VGLL4: variants seen among roughly 807,000 people sequenced by gnomAD.
The protein encoded by VGLL4 is vestigial like family member 4.
In VGLL4, 7 loss-of-function variants were observed where a neutral mutation model predicts 21.0. The ratio of observed to expected loss-of-function variants is 0.33; its 90% CI spans 0.19 to 0.63. VGLL4 has a LOEUF of 0.63. VGLL4 is among the 20% of genes least tolerant of loss of function. The probability of loss-of-function intolerance (pLI) is 0.78; values close to 1 mark genes in which losing one functional copy is unlikely to be tolerated. For synonymous variants in VGLL4, 222 were observed against 173.2 expected (o/e 1.28, Z -2.21); for missense variants, 394 against 425.7 (o/e 0.93, Z 0.66).
intron 2 of VGLL4, among the ~76,000 whole-genome samples, chr3:11,595,847 G>GA (rs1177440396): frequency 4.1e-4 from 1 of 2,464 alleles, no homozygotes; most frequent in Non-Finnish European, 1.5e-3. Flanking sequence ...GGTGTGGGGG[G>GA]GGCGGGGAAT....
intron 2 of VGLL4, among the ~76,000 whole-genome samples, chr3:11,662,497 T>C (rs942711997): frequency 6.6e-6 from 1 of 152,206 alleles, no homozygotes; most frequent in African/African-American, 2.4e-5. Flanking sequence ...CAAAATCCAA[T>C]ATGAAAACAA....
chr3:11,642,002 T>C (rs905033595), intron 1 of VGLL4, among the ~76,000 whole-genome samples: 1 of 151,040 alleles, frequency 6.6e-6, no homozygotes, highest in Non-Finnish European at 1.5e-5. Flanking sequence ...TTCTTTCTTG[T>C]TGGGGGAAGC....
chr3:11,681,381 G>C (rs933644613), intron 2 of VGLL4, among the ~76,000 whole-genome samples: 1 of 152,210 alleles, frequency 6.6e-6, no homozygotes, highest in African/African-American at 2.4e-5. Context: ...ACAATACCCA[G>C]TGTGCCTTTC....
chr3:11,698,612 T>C (rs1226940906), intron 2 of VGLL4, among the ~76,000 whole-genome samples: 1 of 152,210 alleles, frequency 6.6e-6, no homozygotes, highest in African/African-American at 2.4e-5. Flanking sequence ...CAATCTCAAG[T>C]TGTATTTCCA....
rs182118200 is a variant in VGLL4 at position 11,658,622 on chromosome 3, C to G, written c.64+44349G>C. ...GGAAGGACACAGAGGAAACAGAATA[C>G]GCGAACTATTCCTGGATCTTTCCTT... On this transcript the variant is annotated intron_variant, in intron 2 of 5. Transcript: ENST00000273038. Among the ~76,000 whole-genome samples, 7 of 114,858 alleles carry G rather than the reference C, an allele frequency of 6.1e-5. 1 individual carries two copies. The highest frequency in any genetic ancestry group is 4.6e-3 in the Middle Eastern group (1 of 218). 75.4% of individuals were successfully genotyped at this position (114,858 alleles called of 152,430 possible). A position where few individuals can be genotyped will look rare whatever the true frequency, so the allele number is the denominator to read the frequency against.
At chr3:11,574,783 ATATGTGTGTGTGTGTGTG>A (rs1224106384) in intron 2 of VGLL4, among the ~76,000 whole-genome samples, 211 of 111,854 alleles carry the variant, frequency 1.9e-3, no homozygotes, top group African/African-American at 6.1e-3. Flanking sequence ...ATTCAACTAT[ATATGTGTGTGTGTGTGTG>A]TGTGTGTGTG....
At chr3:11,562,068 T>C (rs1479745529) in intron 3 of VGLL4, among the ~76,000 whole-genome samples, 1 of 151,964 alleles carries the variant, frequency 6.6e-6, no homozygotes, top group African/African-American at 2.4e-5. Flanking sequence ...TGGCTAATTT[T>C]TGTACTTTTA....
At chr3:11,677,309 T>C (rs1348306940) in intron 2 of VGLL4, among the ~76,000 whole-genome samples, 2 of 152,000 alleles carry the variant, frequency 1.3e-5, no homozygotes, top group South Asian at 2.1e-4. Flanking sequence ...TCTCACGCTG[T>C]CGTCCAGGCT....
At chr3:11,647,981 C>T (rs2075817394), upstream of VGLL4, among the ~76,000 whole-genome samples, 1 of 99,606 alleles carries the variant, frequency 1.0e-5, no homozygotes, top group Non-Finnish European at 2.0e-5. Flanking sequence ...GTACAATCAG[C>T]TCATCCATAA....
At chr3:11,660,367 A>G (rs535305737) in intron 2 of VGLL4, among the ~76,000 whole-genome samples, 1 of 152,258 alleles carries the variant, frequency 6.6e-6, no homozygotes, top group South Asian at 2.1e-4. Context: ...GGCATTTAAT[A>G]TGGCCTACTA....
At chr3:11,593,530 T>G (rs558108357) in intron 2 of VGLL4, among the ~76,000 whole-genome samples, 2 of 152,024 alleles carry the variant, frequency 1.3e-5, no homozygotes, top group Non-Finnish European at 2.9e-5. Context: ...TCTTTTTCTA[T>G]TCACCCCTAT....
At chr3:11,648,619 A>G (rs2125339318), upstream of VGLL4, among the ~76,000 whole-genome samples, 1 of 152,358 alleles carries the variant, frequency 6.6e-6, no homozygotes, top group Non-Finnish European at 1.5e-5. Context: ...TACAAAACTG[A>G]AGAATATATT....
At chr3:11,678,336 G>A (rs1339268526) in intron 2 of VGLL4, among the ~76,000 whole-genome samples, 2 of 152,120 alleles carry the variant, frequency 1.3e-5, no homozygotes, top group African/African-American at 4.8e-5. Flanking sequence ...GATTACAGGC[G>A]TGAGCCTCTG....
rs9310391 is a variant in VGLL4 at position 11,673,430 on chromosome 3, G to C, written c.64+29541C>G. ...CAGAACGAGTCCGGAAGGGAGAAAG[G>C]GGGAAAGGGGGGGAAGTAGACTAGT... On this transcript the variant is annotated intron_variant, in intron 2 of 5. Coordinates refer to the VGLL4 transcript ENST00000273038. Among the ~76,000 whole-genome samples the C allele has an allele frequency of 7.5e-3, 1,139 of 152,028 alleles. 14 individuals are homozygous for C. The highest frequency in any genetic ancestry group is 0.026 in the African/African-American group (1,096 of 41,474).
chr3:11,609,289 T>G (rs1460254546), intron 1 of VGLL4, among the ~76,000 whole-genome samples: 1 of 152,228 alleles, frequency 6.6e-6, no homozygotes, highest in Non-Finnish European at 1.5e-5. Flanking sequence ...TAAGTTTCCT[T>G]TTACTGCTCA....
At position 11,703,455 on chromosome 3, in the gene VGLL4, G is replaced by A. The variant is rs77958116; in HGVS notation, c.-13-408C>T. 4.2e-3 allele frequency among the ~76,000 whole-genome samples: 633 copies of A among 152,250 alleles called. 3 individuals carry two copies. The highest frequency in any genetic ancestry group is 0.014 in the African/African-American group (588 of 41,524). ...AGTGAGGTGGTGCAGCTTAACACAC[G>A]CCACGTACTCATGGAAAGCTGTGTG... On this transcript the variant is annotated intron_variant, in intron 1 of 5. Transcript: ENST00000273038.
intron 1 of VGLL4, among the ~76,000 whole-genome samples, chr3:11,715,900 T>C (rs540083752): frequency 1.3e-5 from 2 of 152,244 alleles, no homozygotes; most frequent in African/African-American, 4.8e-5. Context: ...TCATCTAACA[T>C]GTATATTTTC....
intron 1 of VGLL4, chr3:11,633,583 T>C (rs1327766929): frequency 1.3e-5 from 2 of 152,346 alleles, no homozygotes; most frequent in Non-Finnish European, 2.9e-5. Flanking sequence ...GGCAGAAGAA[T>C]CGCTTGAACC....
At chr3:11,701,802 C>T (rs1007299241) in intron 2 of VGLL4, among the ~76,000 whole-genome samples, 4 of 152,152 alleles carry the variant, frequency 2.6e-5, no homozygotes, top group Non-Finnish European at 5.9e-5. Context: ...TATAAAACGT[C>T]AACCTAAATT....
Sources: gnomAD v4.1 joint callset for allele counts (sites outside exome capture counted in the v4.1 genomes callset) on GRCh38, gnomAD v4.1.1 for gene constraint, MANE v1.5 for transcripts, NCBI Gene and HGNC (gene_info 2026-07-23, HGNC 2026-07-21) for gene names.